Variants in DLG2 observed in about 807,000 individuals in gnomAD.
The protein encoded by DLG2 is discs large MAGUK scaffold protein 2.
DLG2 carries 45 observed loss-of-function variants against 132.5 expected under a neutral mutation model. The ratio of observed to expected loss-of-function variants is 0.34; its 90% CI spans 0.27 to 0.44. DLG2 has a LOEUF of 0.44. DLG2 is among the 20% of genes least tolerant of loss of function. The pLI, the probability that DLG2 is intolerant of heterozygous loss-of-function variation, is 1.00. For missense variants in DLG2, 1,045 were observed against 1,196.9 expected (o/e 0.87, Z 1.87); for synonymous variants, 424 against 419.6 (o/e 1.01, Z -0.13).
At chr11:84,581,912 CA>C (rs780759635) in intron 6 of DLG2, among the ~76,000 whole-genome samples, 16,866 of 65,048 alleles carry the variant, frequency 0.26, 595 homozygotes, top group African/African-American at 0.34. Flanking sequence ...TCTCAAAAAC[CA>C]AAAAAAAAAA....
At chr11:84,464,909 C>T (rs1165116289) in intron 7 of DLG2, among the ~76,000 whole-genome samples, 1 of 150,878 alleles carries the variant, frequency 6.6e-6, no homozygotes, top group African/African-American at 2.4e-5. Context: ...AAAGGGACCT[C>T]GGAATCACAT....
intron 12 of DLG2, among the ~76,000 whole-genome samples, chr11:83,974,951 C>A (rs2091975005): frequency 6.6e-6 from 1 of 152,040 alleles, no homozygotes; most frequent in African/African-American, 2.4e-5. Flanking sequence ...AGTTCTCTCA[C>A]TGACAATTTT....
At chr11:84,467,890 T>A (rs187984788) in intron 7 of DLG2, among the ~76,000 whole-genome samples, 1 of 151,568 alleles carries the variant, frequency 6.6e-6, no homozygotes, top group South Asian at 2.1e-4. Context: ...ATCAAAAGAC[T>A]GATAATTCAA....
intron 5 of DLG2, among the ~76,000 whole-genome samples, chr11:85,135,024 TC>T (rs2076051958): frequency 6.6e-6 from 1 of 152,194 alleles, no homozygotes; most frequent in African/African-American, 2.4e-5. Flanking sequence ...GTTTGTCTAT[TC>T]ACCCTCATTT....
intron 4 of DLG2, among the ~76,000 whole-genome samples, chr11:85,252,130 T>C (rs1337392908): frequency 6.6e-6 from 1 of 152,158 alleles, no homozygotes; most frequent in Non-Finnish European, 1.5e-5. Context: ...ATAATTAAGC[T>C]GGGGAAAGGA....
At chr11:83,463,030 C>T (rs1310457052) in intron 26 of DLG2, among the ~76,000 whole-genome samples, 3 of 152,062 alleles carry the variant, frequency 2.0e-5, no homozygotes, top group Admixed American at 1.3e-4. Flanking sequence ...AAATCATTAC[C>T]GTCTTGCATG....
At chr11:85,150,483 C>T (rs749893498) in intron 5 of DLG2, among the ~76,000 whole-genome samples, 1 of 151,892 alleles carries the variant, frequency 6.6e-6, no homozygotes, top group Non-Finnish European at 1.5e-5. Context: ...AACTATATAA[C>T]CAATAAACAT....
intron 4 of DLG2, among the ~76,000 whole-genome samples, chr11:85,267,654 A>G (rs2077297635): frequency 6.6e-6 from 1 of 152,222 alleles, no homozygotes; most frequent in Non-Finnish European, 1.5e-5. Flanking sequence ...TTAAAAAAAA[A>G]AGAAAACAAG....
At chr11:83,641,730 A>G (rs1417048344) in intron 18 of DLG2, among the ~76,000 whole-genome samples, 1 of 152,162 alleles carries the variant, frequency 6.6e-6, no homozygotes, top group Non-Finnish European at 1.5e-5. Context: ...TAAGGATTTT[A>G]CTAGCTTTTA....
chr11:84,625,461 A>G (rs941357595), intron 6 of DLG2, among the ~76,000 whole-genome samples: 1 of 152,198 alleles, frequency 6.6e-6, no homozygotes, highest in Non-Finnish European at 1.5e-5. Flanking sequence ...GTTACTCTAT[A>G]TGTGTCACCT....
intron 4 of DLG2, among the ~76,000 whole-genome samples, chr11:85,270,412 A>G (rs1298309773): frequency 6.6e-6 from 1 of 152,140 alleles, no homozygotes; most frequent in Non-Finnish European, 1.5e-5. Context: ...TCTTTTGTCA[A>G]TTGCCCAGTG....
chr11:85,020,676 G>A lies in DLG2; in HGVS notation c.357+90985C>T, dbSNP rs560357366. 13 of 441,220 alleles carry A rather than the reference G, an allele frequency of 2.9e-5. No individual in the cohort carries two copies. The East Asian group carries it at 6.2e-4, about 21-fold the overall frequency. The allele number at this position is 441,220 out of a possible 1,614,324, so 27.3% of individuals were successfully genotyped here. Reference sequence around the variant, plus strand: ...TGATACAAACAAGAAATGGGGAAAGGATTCCCTATTTAATAAATGGTGCTG... The same window carrying A: ...TGATACAAACAAGAAATGGGGAAAGAATTCCCTATTTAATAAATGGTGCTG... On this transcript the variant is annotated intron_variant, in intron 6 of 27. Transcript: ENST00000376104.
At chr11:85,374,540 T>C (rs1230168195) in intron 3 of DLG2, among the ~76,000 whole-genome samples, 1 of 152,132 alleles carries the variant, frequency 6.6e-6, no homozygotes. Context: ...GGTTTCACCA[T>C]GTTGGCCATG....
At chr11:84,526,732 T>C (rs1430812335) in intron 7 of DLG2, among the ~76,000 whole-genome samples, 2 of 151,506 alleles carry the variant, frequency 1.3e-5, no homozygotes, top group Admixed American at 6.6e-5. Context: ...ATAGTATAAA[T>C]AGGATTTGGT....
chr11:84,621,963 T>C (rs535768435), intron 6 of DLG2, among the ~76,000 whole-genome samples: 2 of 152,304 alleles, frequency 1.3e-5, no homozygotes, highest in African/African-American at 2.4e-5. Flanking sequence ...CTTGTTGAAA[T>C]TGTACATTAG....
At chr11:85,201,694 A>T (rs1323432506) in intron 4 of DLG2, among the ~76,000 whole-genome samples, 2 of 150,908 alleles carry the variant, frequency 1.3e-5, no homozygotes, top group Non-Finnish European at 3.0e-5. Context: ...AAATTGTTAC[A>T]TCCACAAGCA....
At chr11:84,288,391 T>C (rs2097939328) in intron 7 of DLG2, among the ~76,000 whole-genome samples, 1 of 152,042 alleles carries the variant, frequency 6.6e-6, no homozygotes, top group Non-Finnish European at 1.5e-5. Context: ...GCCTCCAAGA[T>C]GAGGGTGATA....
At chr11:84,898,200 C>T (rs2090441380) in intron 6 of DLG2, among the ~76,000 whole-genome samples, 1 of 151,912 alleles carries the variant, frequency 6.6e-6, no homozygotes, top group Admixed American at 6.6e-5. Flanking sequence ...ATTAGTTGAG[C>T]ACAGAGCTAG....
chr11:83,680,462 T>C (rs2078582127), intron 18 of DLG2, among the ~76,000 whole-genome samples: 1 of 152,192 alleles, frequency 6.6e-6, no homozygotes, highest in Non-Finnish European at 1.5e-5. Context: ...CAGATGTTCA[T>C]TTGTATCTGT....
Sources: gnomAD v4.1 joint callset for allele counts (sites outside exome capture counted in the v4.1 genomes callset) on GRCh38, gnomAD v4.1.1 for gene constraint, MANE v1.5 for transcripts, NCBI Gene and HGNC (gene_info 2026-07-23, HGNC 2026-07-21) for gene names.